The following CREBBP variants were observed in gnomAD, a reference collection of about 807,000 sequenced individuals.
CREBBP encodes the protein CREB binding lysine acetyltransferase.
Under a neutral mutation model 265.0 loss-of-function variants are expected in CREBBP, and 19 were observed. The observed-to-expected ratio is 0.07, with a 90% CI of 0.05 to 0.11. CREBBP has a LOEUF of 0.11. CREBBP is among the 10% of genes least tolerant of loss of function. The probability of loss-of-function intolerance (pLI) is 1.00; values close to 1 mark genes in which losing one functional copy is unlikely to be tolerated. For synonymous variants in CREBBP, 1,457 were observed against 1,223.7 expected, an observed-to-expected ratio of 1.19 and a Z score of -3.98; for missense variants, 2,525 against 3,219.0, an observed-to-expected ratio of 0.78 and a Z score of 5.22.
At chr16:3,736,353 C>A in intron 27 of CREBBP, 150 bp from the exon 28 acceptor site, 1 of 855,702 alleles carries the variant, frequency 1.2e-6, no homozygotes. Flanking sequence ...AGCAGACCCC[C>A]ACACATGTGC....
intron 1 of CREBBP, among the ~76,000 whole-genome samples, chr16:3,853,566 C>T (rs112479319): frequency 3.9e-5 from 6 of 151,942 alleles, no homozygotes; most frequent in East Asian, 3.9e-4. Context: ...GCCAAGATTG[C>T]GCCACTGCAC....
chr16:3,872,504 T>A (rs1241781627), intron 1 of CREBBP, among the ~76,000 whole-genome samples: 1 of 152,170 alleles, frequency 6.6e-6, no homozygotes, highest in Non-Finnish European at 1.5e-5. Flanking sequence ...CAAAGACTCA[T>A]GCAATAGGAG....
At chr16:3,844,204 G>A (rs1371917098) in intron 2 of CREBBP, among the ~76,000 whole-genome samples, 1 of 144,538 alleles carries the variant, frequency 6.9e-6, no homozygotes, top group African/African-American at 2.5e-5. Flanking sequence ...CCAAGTTAAC[G>A]TAACACTGAT....
In CREBBP at chr16:3,836,450, G is replaced by GA. The variant is rs1214023803; in HGVS notation, c.798+13846dup. 1.7e-3 allele frequency among the ~76,000 whole-genome samples: 239 copies of GA among 144,018 alleles called. 1 individual carries two copies. The highest frequency in any genetic ancestry group is 2.8e-3 in the Non-Finnish European group (187 of 65,658). The allele number at this position is 144,018 out of a possible 152,430, so 94.5% of individuals were successfully genotyped here. A position where few individuals can be genotyped will look rare whatever the true frequency, so the allele number is the denominator to read the frequency against. On this transcript the variant is annotated intron_variant, in intron 2 of 30. Coordinates refer to ENST00000262367, the MANE Select transcript of CREBBP (RefSeq NM_004380.3). ...CTGTGTCTCAAAAAAAAAAAAAAAA[G>GA]AAAAAAAAGAAAAAAAAGAAATTAG...
At chr16:3,746,379 G>A (rs748263010) in intron 21 of CREBBP, among the ~76,000 whole-genome samples, 7 of 151,778 alleles carry the variant, frequency 4.6e-5, no homozygotes, top group Non-Finnish European at 7.4e-5. Context: ...CACAAATGGC[G>A]GCACCCGTTC....
chr16:3,727,711 C>T lies in CREBBP; in HGVS notation c.*7G>A, dbSNP rs1007567958. ...CATGAAAGGGAAAAGGTGATGCTCT[C>T]ACAATGCTACAAGCCCTCCACAAAC... On this transcript the variant is annotated 3_prime_UTR_variant, in exon 31 of 31. Transcript: ENST00000262367. 3.7e-6 allele frequency: 6 copies of T among 1,613,972 alleles called. No individual in the cohort carries two copies. The highest frequency in any genetic ancestry group is 5.1e-6 in the Non-Finnish European group (6 of 1,180,022).
At chr16:3,740,247 G>A (rs1481876707) in intron 24 of CREBBP, 152 bp downstream of exon 24, 2 of 841,502 alleles carry the variant, frequency 2.4e-6, no homozygotes, top group African/African-American at 1.7e-5. Context: ...ACCCCAGACA[G>A]GACAACCGCA....
chr16:3,756,443 A>G (rs2052588156), intron 19 of CREBBP, among the ~76,000 whole-genome samples: 1 of 152,260 alleles, frequency 6.6e-6, no homozygotes, highest in African/African-American at 2.4e-5. Context: ...CACAACAAAA[A>G]ATACTATTCT....
At chr16:3,810,941 GCTCCTAGCAGCCACTCT>G (rs1040981991) in intron 2 of CREBBP, among the ~76,000 whole-genome samples, 162 bp from the exon 3 acceptor site, 4 of 151,900 alleles carry the variant, frequency 2.6e-5, no homozygotes, top group African/African-American at 9.7e-5. Flanking sequence ...TCATGAAGCA[GCTCCTAGCAGCCACTCT>G]CTCCTCACCC....
rs561896247 is a variant in CREBBP at position 3,823,941 on chromosome 16, T to G, written c.799-13162A>C. On this transcript the variant is annotated intron_variant, in intron 2 of 30. Coordinates refer to ENST00000262367, the MANE Select transcript of CREBBP (RefSeq NM_004380.3). The stretch of plus-strand genomic sequence containing the variant: ...GCTCTTATCTTTAGGACACTGGAAG[T>G]TGAAAAGGCTGTGGCAACACACACA... Among the ~76,000 whole-genome samples, 30 of 143,958 alleles carry G rather than the reference T, an allele frequency of 2.1e-4. No homozygotes were observed. The Admixed American group carries it at 2.2e-3, about 11-fold the overall frequency. 94.4% of individuals were successfully genotyped at this position (143,958 alleles called of 152,430 possible).
chr16:3,843,133 CG>C (rs1172333593), intron 2 of CREBBP, among the ~76,000 whole-genome samples: 6 of 152,072 alleles, frequency 3.9e-5, no homozygotes, highest in Non-Finnish European at 8.8e-5. Flanking sequence ...GTAAAACTTA[CG>C]AAAGAACAGG....
At chr16:3,857,669 A>C (rs1049822375) in intron 1 of CREBBP, among the ~76,000 whole-genome samples, 1 of 152,228 alleles carries the variant, frequency 6.6e-6, no homozygotes, top group Non-Finnish European at 1.5e-5. Context: ...GGGGCCCGGG[A>C]GAATGCAAAG....
At chr16:3,777,526 A>T in intron 11 of CREBBP, 87 bp downstream of exon 11, 1 of 1,371,458 alleles carries the variant, frequency 7.3e-7, no homozygotes, top group South Asian at 1.2e-5. Context: ...GTTAGAAAGA[A>T]ATATACAGGG....
Position 3,727,523 on chromosome 16 carries a change from G to C in CREBBP, c.*195C>G. 4.5e-6 allele frequency: 1 copy of C among 222,236 alleles called. No individual in the cohort carries two copies. Among genetic ancestry groups the C allele is most frequent in the Admixed American group, 1.1e-4 (1 of 8,778 alleles). 13.8% of individuals were successfully genotyped at this position (222,236 alleles called of 1,614,324 possible). ...CCCCCCGCCAAAAAAAAACCAAAGA[G>C]AGAGACCAGATATTTAAATCAACTG... On this transcript the variant is annotated 3_prime_UTR_variant, in exon 31 of 31. Transcript: ENST00000262367.
At chr16:3,851,860 C>CAAAAAAAAAAAAAAAAA in intron 1 of CREBBP, among the ~76,000 whole-genome samples, 1 of 28,964 alleles carries the variant, frequency 3.5e-5, no homozygotes, top group African/African-American at 1.2e-4. Flanking sequence ...GACTCCGTCT[C>CAAAAAAAAAAAAAAAAA]AAAAAAAAAA....
chr16:3,759,328 C>T (rs1490985460), intron 16 of CREBBP, among the ~76,000 whole-genome samples: 1 of 152,130 alleles, frequency 6.6e-6, no homozygotes, highest in African/African-American at 2.4e-5. Flanking sequence ...GTGGCTCACA[C>T]ATGTAATCCC....
rs2151315977 is a variant in CREBBP at position 3,731,224 on chromosome 16, C to G, written c.5140G>C (p.Val1714Leu). The G allele has an allele frequency of 6.2e-7, 1 of 1,614,018 alleles. No homozygotes were observed. Among genetic ancestry groups the G allele is most frequent in the Non-Finnish European group, 8.5e-7 (1 of 1,179,974 alleles). Residue 1714 changes from valine (V) to leucine (L), a missense_variant, in exon 30 of 31, where the codon GTG (valine) becomes CTG (leucine). Around this residue, in one of 19 missense-constraint regions of CREBBP, gnomAD observed 62 missense variants for 156.2 expected, o/e 0.40. Coordinates refer to ENST00000262367, the MANE Select transcript of CREBBP (RefSeq NM_004380.3). This position sits in a 1 kb window ranked among gnomAD's most constrained non-coding sequence, Gnocchi z 7.7. Reference protein sequence around the residue: ...VYTCNECKHHVETRWHCTVCE... With the variant: ...VYTCNECKHHLETRWHCTVCE... Reference sequence around the variant, plus strand: ...ACAGTGCAGTGCCAGCGCGTCTCCACGTGGTGCTTGCACTCGTTGCAGGTG... The same window carrying G: ...ACAGTGCAGTGCCAGCGCGTCTCCAGGTGGTGCTTGCACTCGTTGCAGGTG...
At chr16:3,809,425 C>T (rs1437105058) in intron 3 of CREBBP, among the ~76,000 whole-genome samples, 1 of 152,202 alleles carries the variant, frequency 6.6e-6, no homozygotes, top group Non-Finnish European at 1.5e-5. Context: ...ATCCACCCGC[C>T]TCAGCCTCCC....
intron 1 of CREBBP, among the ~76,000 whole-genome samples, chr16:3,853,155 A>G (rs939854848): frequency 6.6e-6 from 1 of 152,142 alleles, no homozygotes; most frequent in Non-Finnish European, 1.5e-5. Flanking sequence ...AGGGGTAACA[A>G]TGGCCCCTAC....
Sources: allele counts gnomAD v4.1 joint callset (sites outside exome capture counted in the v4.1 genomes callset), GRCh38; gene constraint gnomAD v4.1.1; regional missense constraint gnomAD v4.1.1; non-coding constraint Gnocchi (gnomAD v3.1); transcripts MANE v1.5; gene names NCBI Gene and HGNC (gene_info 2026-07-23, HGNC 2026-07-21).